Variants in RUNDC3B observed in about 807,000 individuals in gnomAD.
The protein encoded by RUNDC3B is RUN domain containing 3B.
In RUNDC3B, 33 loss-of-function variants were observed where a neutral mutation model predicts 58.4. That is an observed-to-expected ratio of 0.56 (90% CI 0.43 to 0.75). The LOEUF (loss-of-function observed/expected upper bound fraction) is 0.75, where lower values mean the gene tolerates loss of function less well. RUNDC3B is among the 30% of genes least tolerant of loss of function. The pLI, the probability that RUNDC3B is intolerant of heterozygous loss-of-function variation, is 0.00. For synonymous variants in RUNDC3B, 193 were observed against 195.2 expected (o/e 0.99, Z 0.10); for missense variants, 501 against 535.7 (o/e 0.94, Z 0.64).
chr7:87,656,159 A>G (rs542856082), intron 2 of RUNDC3B, among the ~76,000 whole-genome samples: 1 of 152,240 alleles, frequency 6.6e-6, no homozygotes, highest in East Asian at 1.9e-4. Flanking sequence ...GGTAATATGT[A>G]TATTAATTTG....
At chr7:87,682,398 C>T (rs907950575) in intron 2 of RUNDC3B, among the ~76,000 whole-genome samples, 4 of 152,082 alleles carry the variant, frequency 2.6e-5, no homozygotes, top group African/African-American at 4.8e-5. Flanking sequence ...ATTTACTTTG[C>T]CCAGATCCAT....
At chr7:87,694,604 C>T (rs915569956) in intron 2 of RUNDC3B, among the ~76,000 whole-genome samples, 2 of 152,160 alleles carry the variant, frequency 1.3e-5, no homozygotes, top group African/African-American at 4.8e-5. Flanking sequence ...GTTTTATGTT[C>T]TGTACCTATA....
chr7:87,790,580 G>T (rs1489699360), intron 8 of RUNDC3B, among the ~76,000 whole-genome samples: 2 of 151,884 alleles, frequency 1.3e-5, no homozygotes, highest in Non-Finnish European at 2.9e-5. Context: ...GAAACTAAAA[G>T]AAATTAAAAT....
intron 8 of RUNDC3B, among the ~76,000 whole-genome samples, chr7:87,799,885 C>CA (rs763617668): frequency 0.041 from 2,379 of 58,314 alleles, 48 homozygotes; most frequent in Admixed American, 0.042. Flanking sequence ...GACTCCGTCT[C>CA]AAAAAAAAAA....
chr7:87,805,381 C>T (rs1836385546), intron 8 of RUNDC3B, among the ~76,000 whole-genome samples: 3 of 152,304 alleles, frequency 2.0e-5, no homozygotes, highest in African/African-American at 7.2e-5. Context: ...GATTTGTTGT[C>T]TCCACATTCC....
At chr7:87,829,174 TTGTTTAA>T (rs1837999508) in intron 10 of RUNDC3B, among the ~76,000 whole-genome samples, 3 of 152,160 alleles carry the variant, frequency 2.0e-5, no homozygotes, top group African/African-American at 7.2e-5. Flanking sequence ...TATTTTTTGC[TTGTTTAA>T]TGTTTAAGTT....
At chr7:87,764,953 A>AT (rs538025273) in intron 6 of RUNDC3B, among the ~76,000 whole-genome samples, 32 of 151,316 alleles carry the variant, frequency 2.1e-4, no homozygotes, top group Admixed American at 8.6e-4. Context: ...TTGTTGGGAG[A>AT]TTTTTTTTAA....
rs71117546 is a variant in RUNDC3B at position 87,628,584 on chromosome 7, C to CGTGTGT, written c.-204_-199dup. On this transcript the variant is annotated 5_prime_UTR_variant, in exon 1 of 11. Coordinates refer to ENST00000394654, the MANE Select transcript of RUNDC3B (RefSeq NM_001134405.2). ...CGAGGGCGGAGGTGGTGCGTGCGTG[C>CGTGTGT]GTGTGTGTGTGTGTGTGTGTGTGTG... 4.6e-3 allele frequency: 1,341 copies of CGTGTGT among 290,630 alleles called. 3 individuals carry two copies. Among genetic ancestry groups the CGTGTGT allele is most frequent in the Admixed American group, 9.3e-3 (176 of 18,864 alleles). 18.0% of individuals were successfully genotyped at this position (290,630 alleles called of 1,614,324 possible).
chr7:87,656,586 A>G (rs1278620579), intron 2 of RUNDC3B, among the ~76,000 whole-genome samples: 8 of 152,124 alleles, frequency 5.3e-5, no homozygotes, highest in Non-Finnish European at 1.2e-4. Context: ...AAGGGGGAGG[A>G]GGAAAATAGA....
intron 1 of RUNDC3B, among the ~76,000 whole-genome samples, chr7:87,649,088 T>C (rs1823314629): frequency 1.3e-5 from 2 of 152,158 alleles, no homozygotes; most frequent in Admixed American, 1.3e-4. Context: ...CTTATCTTCT[T>C]GATTCCCCAC....
chr7:87,756,303 C>T (rs905753366), intron 6 of RUNDC3B, among the ~76,000 whole-genome samples: 1 of 151,714 alleles, frequency 6.6e-6, no homozygotes, highest in African/African-American at 2.4e-5. Context: ...TTTCTTTATT[C>T]ATAGAAAGTC....
At chr7:87,781,824 G>T (rs1004279531) in intron 8 of RUNDC3B, among the ~76,000 whole-genome samples, 1 of 152,040 alleles carries the variant, frequency 6.6e-6, no homozygotes, top group African/African-American at 2.4e-5. Context: ...TTGCATCCAG[G>T]AATAAAGTCT....
At chr7:87,725,246 G>A (rs964487576) in intron 4 of RUNDC3B, among the ~76,000 whole-genome samples, 4 of 151,882 alleles carry the variant, frequency 2.6e-5, no homozygotes, top group Non-Finnish European at 4.4e-5. Flanking sequence ...CCCACTCCCC[G>A]CACCCCACAA....
chr7:87,690,591 A>G (rs1395129674), intron 2 of RUNDC3B, among the ~76,000 whole-genome samples: 4 of 152,188 alleles, frequency 2.6e-5, no homozygotes, highest in African/African-American at 7.2e-5. Context: ...AAAATGCTGT[A>G]TAAAAGATAG....
At chr7:87,704,711 C>A (rs1218299809) in intron 3 of RUNDC3B, among the ~76,000 whole-genome samples, 1 of 152,196 alleles carries the variant, frequency 6.6e-6, no homozygotes, top group East Asian at 1.9e-4. Context: ...TTGCTCAGGC[C>A]TCAAACAGAT....
chr7:87,752,906 G>A (rs1413926595), intron 6 of RUNDC3B, among the ~76,000 whole-genome samples: 18 of 150,928 alleles, frequency 1.2e-4, no homozygotes, highest in African/African-American at 4.4e-4. Context: ...GTTATTTCTT[G>A]CCTTCTGCTA....
At position 87,643,341 on chromosome 7, in the gene RUNDC3B, A is replaced by G. The variant is rs558484995; in HGVS notation, c.123-7481A>G. 2.6e-5 allele frequency among the ~76,000 whole-genome samples: 4 copies of G among 152,330 alleles called. No homozygotes were observed. In the South Asian group the frequency reaches 8.3e-4, roughly 32 times the overall value. On this transcript the variant is annotated intron_variant, in intron 1 of 10. Transcript: ENST00000394654. The stretch of plus-strand genomic sequence containing the variant: ...GATGGTTGGGACTTTTTTTGGTTCC[A>G]ATAAAAGTTTATTTACAAAAACATT...
intron 3 of RUNDC3B, chr7:87,709,521 C>T (rs1583952459): frequency 1.0e-6 from 1 of 985,308 alleles, no homozygotes; most frequent in Middle Eastern, 5.2e-4. Context: ...GGTAAATTGA[C>T]TCGCATGCTA....
intron 7 of RUNDC3B, among the ~76,000 whole-genome samples, chr7:87,773,768 C>T (rs140340194): frequency 0.03 from 4,571 of 152,178 alleles, 66 homozygotes; most frequent in Middle Eastern, 0.048. Flanking sequence ...ACCTCCACCT[C>T]CTGGGTTCAA....
Sources: allele counts gnomAD v4.1 joint callset (sites outside exome capture counted in the v4.1 genomes callset), GRCh38; gene constraint gnomAD v4.1.1; transcripts MANE v1.5; gene names NCBI Gene and HGNC (gene_info 2026-07-23, HGNC 2026-07-21).